ISL2: variants seen among roughly 807,000 people sequenced by gnomAD.
The protein encoded by ISL2 is insulin gene enhancer protein ISL-2.
In ISL2, 17 loss-of-function variants were observed where a neutral mutation model predicts 34.6. That is an observed-to-expected ratio of 0.49 (90% CI 0.34 to 0.74). The LOEUF is 0.74. ISL2 is among the 30% of genes least tolerant of loss of function. ISL2 has a pLI of 0.01. For missense variants in ISL2, 469 were observed against 515.2 expected, an observed-to-expected ratio of 0.91 and a Z score of 0.87; for synonymous variants, 232 against 225.5, an observed-to-expected ratio of 1.03 and a Z score of -0.26.
intron 5 of ISL2, among the ~76,000 whole-genome samples, 178 bp downstream of exon 5, chr15:76,341,479 C>T (rs2040193716): frequency 6.6e-6 from 1 of 152,218 alleles, no homozygotes; most frequent in Non-Finnish European, 1.5e-5. Flanking sequence ...CATTACGCGC[C>T]CTAAACCAGG....
chr15:76,338,482 C>G lies in ISL2; in HGVS notation c.479C>G (p.Pro160Arg), dbSNP rs2040169401. Residue 160 changes from proline (P) to arginine (R), a missense_variant, in exon 3 of 6, where the codon CCG (proline) becomes CGG (arginine). Pro to Arg is a moderately radical substitution (Grantham distance 103, BLOSUM62 -2). Transcript: ENST00000290759. ...GCCGGCAGCCCGCGCAGCCCCGGCC[C>G]GCTTCCCGGCGCCCGCGGCCTGCAT... ...AAAGSPRSPG[P>R]LPGARGLHLP... 7.6e-7 allele frequency: 1 copy of G among 1,319,672 alleles called. No individual in the cohort carries two copies. 81.7% of individuals were successfully genotyped at this position (1,319,672 alleles called of 1,614,324 possible).
chr15:76,340,155 A>C, intron 3 of ISL2, 121 bp from the exon 4 acceptor site: 1 of 1,429,966 alleles, frequency 7.0e-7, no homozygotes, highest in Non-Finnish European at 9.1e-7. Context: ...AATTAAACGA[A>C]ACAAACAGAA....
Position 76,336,864 on chromosome 15 carries a change from G to C in ISL2, c.-20G>C. The C allele has an allele frequency of 6.2e-7, 1 of 1,610,928 alleles. No homozygotes were observed. The highest frequency in any genetic ancestry group is 8.5e-7 in the Non-Finnish European group (1 of 1,177,084). On this transcript the variant is annotated 5_prime_UTR_variant, in exon 1 of 6. Coordinates refer to ENST00000290759, the MANE Select transcript of ISL2 (RefSeq NM_145805.3). The stretch of plus-strand genomic sequence containing the variant: ...CCTTCTGCCCCTGGCCGCACACTTT[G>C]CGCACATCTCTTTTTCTGCATGGTG...
chr15:76,340,310 G>T lies in ISL2; in HGVS notation c.546G>T (p.Pro182=), dbSNP rs367795331. The T allele has an allele frequency of 6.8e-6, 11 of 1,609,542 alleles. No homozygotes were observed. Among genetic ancestry groups the T allele is most frequent in the Non-Finnish European group, 9.3e-6 (11 of 1,178,892 alleles). Residue 182 remains proline (P), a synonymous_variant, in exon 4 of 6, where the codon CCG becomes CCT. Transcript: ENST00000290759. ...CGGGCCGGCAGCCCGCGTTGCGCCC[G>T]CACGTGCACAAGCAGACGGAGAAGA... The part of the protein sequence containing the change: ...AGSGRQPALR[P]HVHKQTEKTT...
In ISL2 at chr15:76,338,392, T is replaced by A; in HGVS notation, c.389T>A (p.Phe130Tyr). 1 of 1,539,148 alleles carries A rather than the reference T, an allele frequency of 6.5e-7. No individual in the cohort carries two copies. The highest frequency in any genetic ancestry group is 1.2e-5 in the South Asian group (1 of 83,802). ...CSRQLLPGDEFSLREHELLCR... is the reference protein window; with the variant it reads ...CSRQLLPGDEYSLREHELLCR... ...CGCCAGCTGCTGCCTGGGGACGAGTTCTCGCTGCGGGAGCACGAGCTGCTC... is the reference window on the plus strand; with the variant it reads ...CGCCAGCTGCTGCCTGGGGACGAGTACTCGCTGCGGGAGCACGAGCTGCTC... The change falls in exon 3 of 6, where the codon TTC (phenylalanine) becomes TAC (tyrosine). Residue 130 changes from phenylalanine to tyrosine, a missense_variant. Coordinates refer to ENST00000290759, the MANE Select transcript of ISL2 (RefSeq NM_145805.3).
intron 4 of ISL2, 65 bp downstream of exon 4, chr15:76,340,624 G>A (rs117918544): frequency 0.015 from 22,090 of 1,514,980 alleles, 231 homozygotes; most frequent in Non-Finnish European, 0.018. Flanking sequence ...CGGTATCTGC[G>A]TGCCCTTTTC....
At chr15:76,339,507 GTTTCGGGCTTC>G in intron 3 of ISL2, 2 of 985,602 alleles carry the variant, frequency 2.0e-6, no homozygotes, top group Non-Finnish European at 2.4e-6. Context: ...CCCTTTGTTT[GTTTCGGGCTTC>G]AGGGTGCAGG....
Position 76,338,115 on chromosome 15 carries a change from G to A in ISL2, c.249-137G>A, listed in dbSNP as rs764882650. 9 of 1,355,462 alleles carry A rather than the reference G, an allele frequency of 6.6e-6. No homozygotes were observed. In the East Asian group the frequency reaches 2.2e-4, roughly 33 times the overall value. 84.0% of individuals were successfully genotyped at this position (1,355,462 alleles called of 1,614,324 possible). ...GGTGCCGCAGCGCTCCCCCGGGCCC[G>A]GGAATGCCCGCAGGCGGGTCACCGC... On this transcript the variant is annotated intron_variant, in intron 2 of 5. Coordinates refer to ENST00000290759, the MANE Select transcript of ISL2 (RefSeq NM_145805.3).
intron 3 of ISL2, 26 bp from the exon 4 acceptor site, chr15:76,340,250 C>T: frequency 1.3e-6 from 2 of 1,562,142 alleles, no homozygotes; most frequent in Non-Finnish European, 1.7e-6. Flanking sequence ...CCCTCGCTAA[C>T]CTCTGGCCTC....
rs1165631130 is a variant in ISL2, at chr15:76,341,217, G to A, written c.879G>A (p.Glu293=). 5.6e-6 allele frequency: 9 copies of A among 1,612,152 alleles called. No individual in the cohort carries two copies. The highest frequency in any genetic ancestry group is 1.3e-5 in the African/African-American group (1 of 74,934). The part of the protein sequence containing the change: ...HENAVQGSAV[E]VQTYQPPWKA... The stretch of plus-strand genomic sequence containing the variant: ...ACGCCGTGCAGGGCAGCGCAGTGGA[G>A]GTGCAGACGTACCAGCCGCCGTGGA... Residue 293 remains glutamate, a synonymous_variant, in exon 5 of 6, where the codon GAG becomes GAA. Transcript: ENST00000290759.
chr15:76,340,117 A>T, intron 3 of ISL2, 159 bp from the exon 4 acceptor site: 1 of 1,422,342 alleles, frequency 7.0e-7, no homozygotes, highest in East Asian at 2.6e-5. Flanking sequence ...TCTCCGAGTA[A>T]GGCGAACAGA....
At chr15:76,341,006 T>C in intron 4 of ISL2, 128 bp from the exon 5 acceptor site, 1 of 922,746 alleles carries the variant, frequency 1.1e-6, no homozygotes, top group Non-Finnish European at 1.6e-6. Flanking sequence ...TCCGATGCGA[T>C]CGAGTGTGCG....
chr15:76,338,078 GCATC>G, intron 2 of ISL2, 111 bp downstream of exon 2: 1 of 1,308,702 alleles, frequency 7.6e-7, no homozygotes, highest in Non-Finnish European at 1.0e-6. Flanking sequence ...AAGGCCATCC[GCATC>G]CCGCACGGGT....
At position 76,340,499 on chromosome 15, in the gene ISL2, G is replaced by A. The variant is rs1489066829; in HGVS notation, c.735G>A (p.Lys245=). 10 of 1,613,564 alleles carry A rather than the reference G, an allele frequency of 6.2e-6. No homozygotes were observed. The highest frequency in any genetic ancestry group is 3.3e-5 in the Admixed American group (2 of 60,016). ...TCTGGTTCCAGAACAAGCGCTGCAA[G>A]GACAAGAAGAAATCCATTCTCATGA... is the stretch of plus-strand genomic sequence containing the variant. ...IRVWFQNKRC[K]DKKKSILMKQ... The change falls in exon 4 of 6, where the codon AAG becomes AAA. Residue 245 remains lysine, a synonymous_variant. Transcript: ENST00000290759.
At chr15:76,339,288 A>G in intron 3 of ISL2, 1 of 984,240 alleles carries the variant, frequency 1.0e-6, no homozygotes, top group Non-Finnish European at 1.2e-6. Context: ...CCCTCTCTGG[A>G]TCTTCACTTC....
intron 3 of ISL2, chr15:76,339,637 G>C (rs1378009112): frequency 1.0e-6 from 1 of 985,512 alleles, no homozygotes; most frequent in African/African-American, 1.7e-5. Context: ...CTGGGCTGGG[G>C]AACCTGGAGC....
At chr15:76,337,417 G>A (rs978910433) in intron 1 of ISL2, 12 of 327,934 alleles carry the variant, frequency 3.7e-5, no homozygotes, top group Admixed American at 1.9e-4. Flanking sequence ...GAGCGGAAAT[G>A]CCAGGACAGC....
Position 76,338,326 on chromosome 15 carries a change from G to A in ISL2, c.323G>A (p.Ser108Asn), listed in dbSNP as rs567651060. Residue 108 changes from serine to asparagine, a missense_variant, in exon 3 of 6, where the codon AGC (serine) becomes AAC (asparagine). Coordinates refer to ENST00000290759, the MANE Select transcript of ISL2 (RefSeq NM_145805.3). Reference protein sequence around the residue: ...SSDLVMRARDSVYHIECFRCS... With the variant: ...SSDLVMRARDNVYHIECFRCS... ...GACCTGGTGATGAGGGCGCGGGACA[G>A]CGTGTACCACATCGAGTGCTTCCGC... is the stretch of plus-strand genomic sequence containing the variant. 1.3e-6 allele frequency: 2 copies of A among 1,579,984 alleles called. No individual in the cohort carries two copies. Among genetic ancestry groups the A allele is most frequent in the Non-Finnish European group, 1.7e-6 (2 of 1,168,776 alleles).
chr15:76,338,460 G>T lies in ISL2; in HGVS notation c.457G>T (p.Gly153Cys). 7.1e-7 allele frequency: 1 copy of T among 1,418,324 alleles called. No homozygotes were observed. Among genetic ancestry groups the T allele is most frequent in the East Asian group, 3.1e-5 (1 of 32,740 alleles). The allele number at this position is 1,418,324 out of a possible 1,614,324, so 87.9% of individuals were successfully genotyped here. Residue 153 changes from glycine (G) to cysteine (C), a missense_variant, in exon 3 of 6, where the codon GGC (glycine) becomes TGC (cysteine). By Grantham distance (159) the Gly-to-Cys change is radical (BLOSUM62 -3). Coordinates refer to ENST00000290759, the MANE Select transcript of ISL2 (RefSeq NM_145805.3). ...HGLLLERAAA[G>C]SPRSPGPLPG... ...CCTCCTGCTCGAGCGCGCCGCGGCC[G>T]GCAGCCCGCGCAGCCCCGGCCCGCT...
Sources: allele counts gnomAD v4.1 joint callset (sites outside exome capture counted in the v4.1 genomes callset), GRCh38; gene constraint gnomAD v4.1.1; transcripts MANE v1.5; gene names NCBI Gene and HGNC (gene_info 2026-07-23, HGNC 2026-07-21).